Variants in NRCAM observed in about 807,000 individuals in gnomAD.
NRCAM encodes the protein NgCAM-related cell adhesion molecule.
In NRCAM, 83 loss-of-function variants were observed where a neutral mutation model predicts 156.5. The observed-to-expected ratio is 0.53, with a 90% CI of 0.44 to 0.64. The LOEUF (loss-of-function observed/expected upper bound fraction) is 0.64. NRCAM is among the 30% of genes least tolerant of loss of function. The pLI is 0.00. For missense variants in NRCAM, 1,417 were observed against 1,597.3 expected (o/e 0.89, Z 1.92); for synonymous variants, 538 against 563.9 (o/e 0.95, Z 0.65).
chr7:108,156,299 G>A (rs890658209), intron 32 of NRCAM: 1 of 985,218 alleles, frequency 1.0e-6, no homozygotes, highest in Non-Finnish European at 1.2e-6. Context: ...AGTAAGTTAT[G>A]AGTTCAAGTA....
intron 1 of NRCAM, among the ~76,000 whole-genome samples, chr7:108,420,523 G>A (rs2108255): frequency 1.7e-3 from 266 of 152,188 alleles, no homozygotes; most frequent in Non-Finnish European, 2.7e-3. Context: ...CCTTTACAAG[G>A]GGGGGAGTTT....
intron 25 of NRCAM, among the ~76,000 whole-genome samples, chr7:108,178,830 AAACT>A (rs1389118487): frequency 4.6e-5 from 7 of 152,184 alleles, no homozygotes; most frequent in African/African-American, 1.7e-4. Flanking sequence ...CTGCCCCTGG[AAACT>A]AACTAATGGA....
intron 28 of NRCAM, among the ~76,000 whole-genome samples, chr7:108,172,801 G>A (rs879375087): frequency 3.9e-5 from 6 of 151,950 alleles, no homozygotes; most frequent in Non-Finnish European, 7.4e-5. Flanking sequence ...TTTTCCTTCA[G>A]GTTTATAATC....
Position 108,395,115 on chromosome 7 carries a change from A to G in NRCAM, c.-174+4321T>C, listed in dbSNP as rs891902086. On this transcript the variant is annotated intron_variant, in intron 2 of 32. Coordinates refer to ENST00000379028, the MANE Select transcript of NRCAM (RefSeq NM_001037132.4). ...CCCCAAGGGAAAATGAATTCAGCTT[A>G]TATTATGAGAAAATGTGAAGAGTCA... is the stretch of plus-strand genomic sequence containing the variant. 2.6e-5 allele frequency among the ~76,000 whole-genome samples: 4 copies of G among 152,350 alleles called. No individual in the cohort carries two copies. The East Asian group carries it at 5.8e-4, about 22-fold the overall frequency.
At chr7:108,187,879 C>A (rs12334281) in intron 20 of NRCAM, among the ~76,000 whole-genome samples, 1 of 151,996 alleles carries the variant, frequency 6.6e-6, no homozygotes, top group South Asian at 2.1e-4. Flanking sequence ...GGCGTGAACC[C>A]GGGAGGCAGA....
chr7:108,436,899 C>T (rs973157221), intron 1 of NRCAM, among the ~76,000 whole-genome samples: 1 of 152,114 alleles, frequency 6.6e-6, no homozygotes, highest in South Asian at 2.1e-4. Flanking sequence ...AAAAGATCCA[C>T]CAATCCCACT....
chr7:108,200,651 A>G (rs1339339577), intron 13 of NRCAM, among the ~76,000 whole-genome samples: 3 of 152,032 alleles, frequency 2.0e-5, no homozygotes, highest in African/African-American at 7.2e-5. Flanking sequence ...AGATACTTGC[A>G]CACACATGTT....
At chr7:108,338,697 AAGAAAT>A (rs2099237972) in intron 2 of NRCAM, among the ~76,000 whole-genome samples, 1 of 152,102 alleles carries the variant, frequency 6.6e-6, no homozygotes. Context: ...AAGAAAGAAA[AAGAAAT>A]AGTAGAAAAA....
chr7:108,401,852 T>C (rs1472387131), intron 1 of NRCAM, among the ~76,000 whole-genome samples: 1 of 152,202 alleles, frequency 6.6e-6, no homozygotes, highest in Non-Finnish European at 1.5e-5. Context: ...TACTTTATCT[T>C]TTTTGTCTCA....
chr7:108,199,708 T>C (rs1239620808), intron 13 of NRCAM, among the ~76,000 whole-genome samples: 3 of 152,176 alleles, frequency 2.0e-5, no homozygotes, highest in South Asian at 2.1e-4. Context: ...TGTAATTAAA[T>C]TGGGCCCAAA....
intron 20 of NRCAM, 71 bp from the exon 21 acceptor site, chr7:108,184,685 A>T (rs1189752093): frequency 7.5e-7 from 1 of 1,341,512 alleles, no homozygotes; most frequent in African/African-American, 1.4e-5. Context: ...TGCCAGCAAT[A>T]ACTAACAGGG....
chr7:108,201,274 T>C (rs933160708), intron 13 of NRCAM, among the ~76,000 whole-genome samples: 3 of 151,846 alleles, frequency 2.0e-5, no homozygotes, highest in Admixed American at 2.0e-4. Context: ...GTGCCCACCA[T>C]GTGCCCACCC....
chr7:108,201,466 A>C (rs1206587079), intron 13 of NRCAM, among the ~76,000 whole-genome samples: 2 of 152,342 alleles, frequency 1.3e-5, no homozygotes, highest in African/African-American at 4.8e-5. Context: ...CGCGATATTT[A>C]ATGGCTAAAG....
At chr7:108,336,841 T>C (rs116726586) in intron 2 of NRCAM, among the ~76,000 whole-genome samples, 1,783 of 152,308 alleles carry the variant, frequency 0.012, 37 homozygotes, top group African/African-American at 0.04. Context: ...AATAGATTCC[T>C]TTTTGAATTA....
intron 6 of NRCAM, among the ~76,000 whole-genome samples, chr7:108,234,357 T>C (rs557792304): frequency 1.3e-5 from 2 of 152,244 alleles, no homozygotes; most frequent in South Asian, 2.1e-4. Flanking sequence ...TTTAGGGATA[T>C]GCAGGACCCA....
intron 2 of NRCAM, among the ~76,000 whole-genome samples, chr7:108,316,860 C>T (rs912246553): frequency 2.0e-5 from 3 of 152,026 alleles, no homozygotes; most frequent in Non-Finnish European, 4.4e-5. Context: ...GAGTCATGCC[C>T]TCTCTCTGTC....
At chr7:108,167,690 G>T (rs958158486) in intron 29 of NRCAM, among the ~76,000 whole-genome samples, 1 of 152,150 alleles carries the variant, frequency 6.6e-6, no homozygotes, top group Non-Finnish European at 1.5e-5. Context: ...GCACTTAGGA[G>T]GGGGGTACTG....
At chr7:108,199,650 T>C (rs927803894) in intron 13 of NRCAM, among the ~76,000 whole-genome samples, 1 of 152,228 alleles carries the variant, frequency 6.6e-6, no homozygotes, top group Non-Finnish European at 1.5e-5. Flanking sequence ...CATAGTCACC[T>C]TTCTTTCCAA....
chr7:108,184,163 TA>T, intron 22 of NRCAM, 77 bp downstream of exon 22: 1 of 1,018,370 alleles, frequency 9.8e-7, no homozygotes, highest in Non-Finnish European at 1.5e-6. Context: ...AATGAGATTC[TA>T]ATGTAGATAT....
Sources: allele counts gnomAD v4.1 joint callset (sites outside exome capture counted in the v4.1 genomes callset), GRCh38; gene constraint gnomAD v4.1.1; transcripts MANE v1.5; gene names NCBI Gene and HGNC (gene_info 2026-07-23, HGNC 2026-07-21).